Variants in GRM8 observed in about 807,000 individuals in gnomAD.
The protein encoded by GRM8 is glutamate metabotropic receptor 8.
In GRM8, 47 loss-of-function variants were observed where a neutral mutation model predicts 87.2. The observed-to-expected ratio is 0.54, with a 90% CI of 0.43 to 0.69. The LOEUF (loss-of-function observed/expected upper bound fraction) is 0.69, where lower values mean the gene tolerates loss of function less well. Among genes scored for constraint, GRM8 ranks in the 30% least tolerant of loss-of-function variants. GRM8 has a pLI of 0.00. For synonymous variants in GRM8, 396 were observed against 404.5 expected (o/e 0.98, Z 0.25); for missense variants, 1,019 against 1,139.2 (o/e 0.89, Z 1.52).
chr7:126,613,951 G>A (rs1442448622), intron 7 of GRM8, among the ~76,000 whole-genome samples: 1 of 152,204 alleles, frequency 6.6e-6, no homozygotes, highest in East Asian at 1.9e-4. Context: ...CCACCTCTGG[G>A]GGCAGGGCAT....
At chr7:126,684,441 C>G (rs1178113173) in intron 7 of GRM8, among the ~76,000 whole-genome samples, 1 of 152,164 alleles carries the variant, frequency 6.6e-6, no homozygotes, top group Non-Finnish European at 1.5e-5. Context: ...TGGCAGAGCT[C>G]TGCACTTGGG....
At chr7:127,020,656 A>G (rs540312257) in intron 3 of GRM8, among the ~76,000 whole-genome samples, 15 of 152,168 alleles carry the variant, frequency 9.9e-5, no homozygotes, top group African/African-American at 3.4e-4. Context: ...CATCTTGGCC[A>G]AGCTCAAAAA....
chr7:127,148,822 A>C (rs1004954299), intron 2 of GRM8, among the ~76,000 whole-genome samples: 2 of 152,096 alleles, frequency 1.3e-5, no homozygotes, highest in African/African-American at 4.8e-5. Context: ...CAAGGGCACC[A>C]AGGGAAAACA....
intron 2 of GRM8, among the ~76,000 whole-genome samples, chr7:127,112,719 A>T (rs1394957528): frequency 1.3e-5 from 2 of 152,154 alleles, no homozygotes; most frequent in Non-Finnish European, 2.9e-5. Flanking sequence ...TTCCAGTTCA[A>T]ATCACCGAAG....
chr7:126,685,394 C>G lies in GRM8; in HGVS notation c.1358-75896G>C, dbSNP rs2151347363. 6.6e-6 allele frequency among the ~76,000 whole-genome samples: 1 copy of G among 152,252 alleles called. No homozygotes were observed. Among genetic ancestry groups the G allele is most frequent in the East Asian group, 1.9e-4 (1 of 5,158 alleles). ...CCTGGACAAGCGGGAGACCCACCCC[C>G]TCTGAGTTAGCTGGGTGGGAGCTCC... On this transcript the variant is annotated intron_variant, in intron 7 of 10. Coordinates refer to ENST00000339582, the MANE Select transcript of GRM8 (RefSeq NM_000845.3). The surrounding 1 kb of genome is among the most constrained non-coding windows in gnomAD (Gnocchi z 4.2).
chr7:126,440,785 T>C (rs1382568783), intron 10 of GRM8, among the ~76,000 whole-genome samples: 1 of 151,964 alleles, frequency 6.6e-6, no homozygotes, highest in East Asian at 1.9e-4. Context: ...AAAGACAAAA[T>C]TGCCTAACAA....
intron 3 of GRM8, among the ~76,000 whole-genome samples, chr7:126,957,790 G>C (rs1808881445): frequency 6.6e-6 from 1 of 152,218 alleles, no homozygotes; most frequent in Non-Finnish European, 1.5e-5. Context: ...GAGGCAGGAA[G>C]CAGACAGGCT....
chr7:126,646,062 AC>A (rs1050736475), intron 7 of GRM8, among the ~76,000 whole-genome samples: 3 of 151,914 alleles, frequency 2.0e-5, no homozygotes, highest in African/African-American at 7.3e-5. Flanking sequence ...ATCCCACTGC[AC>A]TCTGGTCATC....
intron 9 of GRM8, among the ~76,000 whole-genome samples, chr7:126,482,631 G>A (rs1053688125): frequency 1.3e-5 from 2 of 151,982 alleles, no homozygotes; most frequent in Non-Finnish European, 2.9e-5. Flanking sequence ...TAGATCCAGG[G>A]TCTGGGGGGA....
At chr7:126,506,608 T>C (rs1428879295) in intron 9 of GRM8, among the ~76,000 whole-genome samples, 1 of 151,722 alleles carries the variant, frequency 6.6e-6, no homozygotes, top group Non-Finnish European at 1.5e-5. Context: ...GGTAAAACCC[T>C]TTCCCCACTA....
chr7:127,017,226 A>C (rs1235558818), intron 3 of GRM8, among the ~76,000 whole-genome samples: 1 of 152,090 alleles, frequency 6.6e-6, no homozygotes, highest in African/African-American at 2.4e-5. Context: ...GACCTATTTT[A>C]AGTAGCTAAG....
chr7:126,827,030 A>G (rs971988237), intron 6 of GRM8, among the ~76,000 whole-genome samples: 1 of 152,104 alleles, frequency 6.6e-6, no homozygotes, highest in African/African-American at 2.4e-5. Context: ...AGTTGTAGAT[A>G]TGTGGCATTA....
intron 3 of GRM8, among the ~76,000 whole-genome samples, chr7:127,005,001 AAAG>A (rs945583964): frequency 6.6e-5 from 10 of 151,680 alleles, no homozygotes; most frequent in Non-Finnish European, 8.9e-5. Context: ...AAAGGAGGAG[AAAG>A]AAGAAGAAGA....
At chr7:126,518,325 C>A (rs1197789019) in intron 9 of GRM8, among the ~76,000 whole-genome samples, 1 of 151,956 alleles carries the variant, frequency 6.6e-6, no homozygotes, top group African/African-American at 2.4e-5. Context: ...GAATGACAAA[C>A]AAGAAGTAAT....
intron 2 of GRM8, among the ~76,000 whole-genome samples, chr7:127,180,967 C>T (rs1232349233): frequency 6.6e-6 from 1 of 152,016 alleles, no homozygotes; most frequent in African/African-American, 2.4e-5. Flanking sequence ...CACTCCTCTT[C>T]AACATAGTAC....
intron 9 of GRM8, among the ~76,000 whole-genome samples, chr7:126,486,644 G>A (rs1807406162): frequency 6.6e-6 from 1 of 152,022 alleles, no homozygotes; most frequent in African/African-American, 2.4e-5. Flanking sequence ...ATACCTCAGT[G>A]CTTTGTTTTT....
intron 2 of GRM8, among the ~76,000 whole-genome samples, chr7:127,232,702 C>A (rs943166632): frequency 7.2e-5 from 11 of 152,186 alleles, no homozygotes; most frequent in African/African-American, 2.7e-4. Context: ...AAATATCTTC[C>A]TCCTCATTAT....
intron 7 of GRM8, among the ~76,000 whole-genome samples, chr7:126,687,781 CATACTT>C (rs894569836): frequency 7.9e-5 from 12 of 151,716 alleles, no homozygotes; most frequent in Non-Finnish European, 1.0e-4. Context: ...TAAATTTAGT[CATACTT>C]ATAGACAGAT....
At chr7:126,492,182 C>G (rs1808093112) in intron 9 of GRM8, among the ~76,000 whole-genome samples, 1 of 151,980 alleles carries the variant, frequency 6.6e-6, no homozygotes, top group African/African-American at 2.4e-5. Flanking sequence ...TCCCAAGTAG[C>G]TGGGACTATA....
Sources: allele counts gnomAD v4.1 joint callset (sites outside exome capture counted in the v4.1 genomes callset), GRCh38; gene constraint gnomAD v4.1.1; non-coding constraint Gnocchi (gnomAD v3.1); transcripts MANE v1.5; gene names NCBI Gene and HGNC (gene_info 2026-07-23, HGNC 2026-07-21).